The following EXT1 variants were observed in gnomAD, a reference collection of about 807,000 sequenced individuals.
The protein encoded by EXT1 is exostosin glycosyltransferase 1, also known as exostosin-1.
A neutral mutation model predicts 82.5 loss-of-function variants in EXT1; 20 were observed. The observed-to-expected ratio is 0.24, with a 90% confidence interval of 0.17 to 0.35. The LOEUF is 0.35. EXT1 is among the 10% of genes least tolerant of loss of function. The pLI is 1.00. For synonymous variants in EXT1, 348 were observed against 350.8 expected (o/e 0.99, Z 0.09); for missense variants, 757 against 936.5 (o/e 0.81, Z 2.50).
chr8:117,912,552 CA>C (rs1038365620), intron 1 of EXT1, among the ~76,000 whole-genome samples: 1 of 152,128 alleles, frequency 6.6e-6, no homozygotes, highest in South Asian at 2.1e-4. Flanking sequence ...GTCTGGGATG[CA>C]GGCTTCCTAA....
chr8:117,995,931 C>T (rs1451830870), intron 1 of EXT1, among the ~76,000 whole-genome samples: 1 of 152,096 alleles, frequency 6.6e-6, no homozygotes, highest in South Asian at 2.1e-4. Context: ...AATAAATGAA[C>T]GAATGGACTG....
At chr8:117,824,957 C>G (rs534913785) in intron 4 of EXT1, among the ~76,000 whole-genome samples, 7 of 152,084 alleles carry the variant, frequency 4.6e-5, no homozygotes, top group Non-Finnish European at 8.8e-5. Context: ...GCCTCAAACT[C>G]CTGGGCTCAA....
intron 1 of EXT1, among the ~76,000 whole-genome samples, chr8:117,959,077 A>AATGG: frequency 6.6e-6 from 1 of 152,194 alleles, no homozygotes; most frequent in Admixed American, 6.6e-5. Context: ...GTCCAACTCC[A>AATGG]CACTTCCTCC....
At chr8:117,922,607 T>C (rs1251015638) in intron 1 of EXT1, among the ~76,000 whole-genome samples, 4 of 152,146 alleles carry the variant, frequency 2.6e-5, no homozygotes, top group Non-Finnish European at 5.9e-5. Context: ...TCTCTCATTA[T>C]AGAAGGAGAA....
intron 1 of EXT1, among the ~76,000 whole-genome samples, chr8:117,857,069 G>A (rs1812577076): frequency 6.6e-6 from 1 of 152,204 alleles, no homozygotes; most frequent in African/African-American, 2.4e-5. Context: ...CAGCACATCT[G>A]TTTACAGCAT....
intron 1 of EXT1, among the ~76,000 whole-genome samples, chr8:118,108,060 A>T (rs1325684333): frequency 6.6e-6 from 1 of 152,216 alleles, no homozygotes; most frequent in Non-Finnish European, 1.5e-5. Flanking sequence ...TCTTGGCCCG[A>T]TCACAAAGAG....
At chr8:118,019,273 AAG>A (rs1491296461) in intron 1 of EXT1, among the ~76,000 whole-genome samples, 1 of 148,722 alleles carries the variant, frequency 6.7e-6, no homozygotes, top group Non-Finnish European at 1.5e-5. Context: ...GAAAGAAAGA[AAG>A]AAAGAAAGAG....
chr8:117,907,144 A>G (rs1813559320), intron 1 of EXT1, among the ~76,000 whole-genome samples: 2 of 152,232 alleles, frequency 1.3e-5, no homozygotes, highest in Non-Finnish European at 2.9e-5. Flanking sequence ...TTCTCAGATC[A>G]AACAACAAAG....
intron 1 of EXT1, among the ~76,000 whole-genome samples, chr8:117,939,778 G>A (rs1219356699): frequency 6.6e-6 from 1 of 152,020 alleles, no homozygotes; most frequent in Non-Finnish European, 1.5e-5. Flanking sequence ...ATTCTGAGTT[G>A]TGCATACATC....
chr8:117,814,273 T>C (rs1335701063), intron 7 of EXT1, among the ~76,000 whole-genome samples: 2 of 109,382 alleles, frequency 1.8e-5, no homozygotes, highest in Admixed American at 2.1e-4. Flanking sequence ...GGTGGGGGCT[T>C]TGGAGATTAT....
chr8:117,833,235 G>A (rs1223288551), intron 3 of EXT1, among the ~76,000 whole-genome samples: 1 of 152,138 alleles, frequency 6.6e-6, no homozygotes, highest in Non-Finnish European at 1.5e-5. Flanking sequence ...CTGGGTGGGT[G>A]GGGGTGACAA....
chr8:117,985,671 C>G (rs1243854880), intron 1 of EXT1, among the ~76,000 whole-genome samples: 1 of 151,806 alleles, frequency 6.6e-6, no homozygotes, highest in East Asian at 1.9e-4. Context: ...AAAAAAAAAA[C>G]TGTTCATTAG....
chr8:117,904,698 C>T (rs1300476338), intron 1 of EXT1, among the ~76,000 whole-genome samples: 1 of 152,108 alleles, frequency 6.6e-6, no homozygotes, highest in Non-Finnish European at 1.5e-5. Context: ...CCCCCAACAC[C>T]AGGTGGCTTC....
chr8:117,959,998 G>A (rs1278862349), intron 1 of EXT1, among the ~76,000 whole-genome samples: 2 of 152,158 alleles, frequency 1.3e-5, no homozygotes, highest in African/African-American at 4.8e-5. Context: ...CAGATCATAA[G>A]GTCAGGAATT....
chr8:117,984,439 C>CAAA (rs1815270591), intron 1 of EXT1, among the ~76,000 whole-genome samples: 2 of 103,690 alleles, frequency 1.9e-5, no homozygotes, highest in African/African-American at 8.5e-5. Flanking sequence ...AAAAACAAAA[C>CAAA]AAAACAAAAC....
intron 1 of EXT1, among the ~76,000 whole-genome samples, chr8:117,869,427 G>C (rs1812832411): frequency 6.6e-6 from 1 of 152,172 alleles, no homozygotes; most frequent in Non-Finnish European, 1.5e-5. Context: ...GGATGCACAG[G>C]AATGTTCTGG....
chr8:117,899,012 T>C (rs1813394808), intron 1 of EXT1, among the ~76,000 whole-genome samples: 1 of 152,136 alleles, frequency 6.6e-6, no homozygotes, highest in South Asian at 2.1e-4. Context: ...TGATTGATAA[T>C]AAAGCTTTCA....
chr8:117,853,564 T>C (rs926572791), intron 1 of EXT1, among the ~76,000 whole-genome samples: 1 of 152,146 alleles, frequency 6.6e-6, no homozygotes, highest in African/African-American at 2.4e-5. Flanking sequence ...GCAACGGACA[T>C]TGACCCACGT....
rs17503349 is a variant in EXT1 at position 117,827,554 on chromosome 8, C to A, written c.1284+2676G>T. Among the ~76,000 whole-genome samples the A allele has an allele frequency of 3.7e-3, 557 of 152,064 alleles. 1 individual carries two copies. Among genetic ancestry groups the A allele is most frequent in the African/African-American group, 0.012 (517 of 41,496 alleles). On this transcript the variant is annotated intron_variant, in intron 4 of 10. Coordinates refer to ENST00000378204, the MANE Select transcript of EXT1 (RefSeq NM_000127.3). ...TTGGGGCTGGGCATGGTGGCTCATG[C>A]CTGTAATCCCAGCACTTTGGGAGGC...
Sources: gnomAD v4.1 joint callset for allele counts (sites outside exome capture counted in the v4.1 genomes callset) on GRCh38, gnomAD v4.1.1 for gene constraint, MANE v1.5 for transcripts, NCBI Gene and HGNC (gene_info 2026-07-23, HGNC 2026-07-21) for gene names.